JARID2: variants seen among roughly 807,000 people sequenced by gnomAD.
JARID2 encodes protein Jumonji.
A neutral mutation model predicts 125.6 loss-of-function variants in JARID2; 21 were observed. The observed-to-expected ratio is 0.17, with a 90% CI of 0.12 to 0.24. The LOEUF is 0.24. JARID2 is among the 10% of genes least tolerant of loss of function. The probability of loss-of-function intolerance (pLI) is 1.00; values close to 1 mark genes in which losing one functional copy is unlikely to be tolerated. For missense variants in JARID2, 1,303 were observed against 1,639.6 expected (o/e 0.79, Z 3.55); for synonymous variants, 736 against 661.6 (o/e 1.11, Z -1.73).
At chr6:15,428,667 A>C (rs1480329720) in intron 3 of JARID2, among the ~76,000 whole-genome samples, 1 of 152,160 alleles carries the variant, frequency 6.6e-6, no homozygotes, top group Non-Finnish European at 1.5e-5. Context: ...GCACTTTGAG[A>C]GGCCAAGACT....
intron 1 of JARID2, among the ~76,000 whole-genome samples, chr6:15,317,794 G>C (rs959758469): frequency 3.3e-5 from 5 of 152,108 alleles, no homozygotes; most frequent in African/African-American, 1.2e-4. Context: ...TGCACCCTTG[G>C]GTGGCGTTGC....
chr6:15,510,330 G>C (rs73724431), intron 12 of JARID2, among the ~76,000 whole-genome samples: 6 of 152,112 alleles, frequency 3.9e-5, no homozygotes, highest in Non-Finnish European at 8.8e-5. Flanking sequence ...CCTGCCTTGC[G>C]GGGGGCCTCC....
At chr6:15,403,379 G>A (rs771866855) in intron 2 of JARID2, among the ~76,000 whole-genome samples, 2 of 152,138 alleles carry the variant, frequency 1.3e-5, no homozygotes, top group Non-Finnish European at 2.9e-5. Context: ...GAGATCTTTT[G>A]TCTTTTGGTG....
intron 2 of JARID2, among the ~76,000 whole-genome samples, chr6:15,400,537 G>A (rs1394540105): frequency 6.6e-6 from 1 of 152,062 alleles, no homozygotes; most frequent in East Asian, 1.9e-4. Flanking sequence ...ACAAAAGTGT[G>A]CACAATTAAA....
rs1002832405 is a variant in JARID2 at position 15,294,339 on chromosome 6, C to T, written c.45+47755C>T. On this transcript the variant is annotated intron_variant, in intron 1 of 17. Coordinates refer to ENST00000341776, the MANE Select transcript of JARID2 (RefSeq NM_004973.4). ...TCCCGAGCAGCTGGGACTATAGGTG[C>T]GTGCCAGCACACCCGGCTAATTTTT... 4.6e-5 allele frequency among the ~76,000 whole-genome samples: 7 copies of T among 152,146 alleles called. No homozygotes were observed. In the South Asian group the frequency reaches 6.2e-4, roughly 14 times the overall value.
intron 2 of JARID2, among the ~76,000 whole-genome samples, chr6:15,381,082 G>A (rs1250224669): frequency 6.6e-6 from 1 of 151,650 alleles, no homozygotes; most frequent in Non-Finnish European, 1.5e-5. Context: ...GGCCGGGCGC[G>A]GTGGCTCACA....
At chr6:15,307,463 C>T (rs71533644) in intron 1 of JARID2, among the ~76,000 whole-genome samples, 1 of 151,996 alleles carries the variant, frequency 6.6e-6, no homozygotes, top group Non-Finnish European at 1.5e-5. Context: ...AGGTGATCTT[C>T]CTGCCTGTGA....
intron 8 of JARID2, among the ~76,000 whole-genome samples, chr6:15,503,536 C>T (rs1489979414): frequency 6.6e-6 from 1 of 152,016 alleles, no homozygotes; most frequent in Admixed American, 6.5e-5. Flanking sequence ...TGACCACCCT[C>T]CCCCACTCTA....
chr6:15,282,026 T>G (rs1760772525), intron 1 of JARID2, among the ~76,000 whole-genome samples: 1 of 151,862 alleles, frequency 6.6e-6, no homozygotes, highest in Admixed American at 6.6e-5. Flanking sequence ...CTCAGCGAAC[T>G]GTAACCTTTG....
intron 1 of JARID2, among the ~76,000 whole-genome samples, chr6:15,292,024 GA>G (rs1761236401): frequency 6.6e-6 from 1 of 152,028 alleles, no homozygotes; most frequent in African/African-American, 2.4e-5. Flanking sequence ...AGGTCTGTGT[GA>G]TTAGGCTTTT....
intron 2 of JARID2, among the ~76,000 whole-genome samples, chr6:15,396,599 G>C (rs779166925): frequency 5.3e-5 from 8 of 152,034 alleles, no homozygotes; most frequent in Non-Finnish European, 1.0e-4. Flanking sequence ...TGTGTTTTTT[G>C]CTTATACATA....
At position 15,497,121 on chromosome 6, in the gene JARID2, G is replaced by T; in HGVS notation, c.1896G>T (p.Lys632Asn). 6.4e-7 allele frequency: 1 copy of T among 1,563,766 alleles called. No homozygotes were observed. Among genetic ancestry groups the T allele is most frequent in the South Asian group, 1.2e-5 (1 of 85,378 alleles). ...GPNVQRLACI[K>N]KHLKSQGITM... ...ACGTGCAGCGGCTGGCCTGCATCAA[G>T]AAGCACCTCAAATCTCAGGGCATCA... is the stretch of plus-strand genomic sequence containing the variant. Residue 632 changes from lysine to asparagine, a missense_variant, in exon 7 of 18, where the codon AAG becomes AAT. Physicochemically the swap from Lys to Asn is moderately conservative, Grantham distance 94 (BLOSUM62 0). Around this residue, in one of 11 missense-constraint regions of JARID2, gnomAD observed 64 missense variants for 166.8 expected, o/e 0.38. Transcript: ENST00000341776.
At chr6:15,352,329 T>C (rs1483823577) in intron 1 of JARID2, among the ~76,000 whole-genome samples, 1 of 152,196 alleles carries the variant, frequency 6.6e-6, no homozygotes, top group Non-Finnish European at 1.5e-5. Flanking sequence ...ACCCCGTTCT[T>C]AATATTAATG....
In JARID2 at chr6:15,496,486, G is replaced by C; in HGVS notation, c.1261G>C (p.Glu421Gln). 6.2e-7 allele frequency: 1 copy of C among 1,611,242 alleles called. No individual in the cohort carries two copies. The highest frequency in any genetic ancestry group is 1.1e-5 in the South Asian group (1 of 90,822). ...GTTGAACCCAAAGTCATGCACTAAGGAGGTGGGGGGGCGGCAGCTGCGGGA... is the reference window on the plus strand; with the variant it reads ...GTTGAACCCAAAGTCATGCACTAAGCAGGTGGGGGGGCGGCAGCTGCGGGA... ...GRLNPKSCTKEVGGRQLREGL... is the reference protein window; with the variant it reads ...GRLNPKSCTKQVGGRQLREGL... The change falls in exon 7 of 18, where the codon GAG (glutamate) becomes CAG (glutamine). Residue 421 changes from glutamate to glutamine, a missense_variant. Around this residue, in one of 11 missense-constraint regions of JARID2, gnomAD observed 651 missense variants for 581.6 expected, o/e 1.12. Transcript: ENST00000341776.
chr6:15,424,155 A>T (rs1398321902), intron 3 of JARID2, among the ~76,000 whole-genome samples: 3 of 139,102 alleles, frequency 2.2e-5, no homozygotes, highest in Admixed American at 1.4e-4. Flanking sequence ...TTTTTAAGAG[A>T]TGGGGTCTTG....
intron 1 of JARID2, among the ~76,000 whole-genome samples, chr6:15,352,041 C>A (rs1263661021): frequency 1.3e-5 from 2 of 152,158 alleles, no homozygotes; most frequent in Admixed American, 1.3e-4. Context: ...GATATTTCTT[C>A]CTTTTTAATT....
intron 2 of JARID2, among the ~76,000 whole-genome samples, chr6:15,403,584 GA>G (rs1581510669): frequency 6.6e-6 from 1 of 151,958 alleles, no homozygotes. Flanking sequence ...TCTGAAATAG[GA>G]AAAAAAGGAT....
intron 5 of JARID2, among the ~76,000 whole-genome samples, chr6:15,476,386 ACAC>A (rs1769342642): frequency 1.3e-5 from 2 of 152,110 alleles, no homozygotes; most frequent in Admixed American, 1.3e-4. Context: ...GAGGACACAC[ACAC>A]CATCCACAGT....
chr6:15,312,984 C>G (rs1762064875), intron 1 of JARID2, among the ~76,000 whole-genome samples: 1 of 152,228 alleles, frequency 6.6e-6, no homozygotes, highest in Non-Finnish European at 1.5e-5. Flanking sequence ...CGTTCAGCAT[C>G]TTTCCCGCAA....
Sources: gnomAD v4.1 joint callset for allele counts (sites outside exome capture counted in the v4.1 genomes callset) on GRCh38, gnomAD v4.1.1 for gene constraint, gnomAD v4.1.1 regional missense constraint, MANE v1.5 for transcripts, NCBI Gene and HGNC (gene_info 2026-07-23, HGNC 2026-07-21) for gene names.